EMC9: variants seen among roughly 807,000 people sequenced by gnomAD.
EMC9 encodes the protein UPF0172 protein FAM158A.
Under a neutral mutation model 25.0 loss-of-function variants are expected in EMC9, and 20 were observed. The ratio of observed to expected loss-of-function variants is 0.80; its 90% CI spans 0.56 to 1.16. The LOEUF is 1.16. Ranked by LOEUF, EMC9 falls within the 50% of genes most tolerant of loss-of-function variation. The pLI, the probability that EMC9 is intolerant of heterozygous loss-of-function variation, is 0.00. For missense variants in EMC9, 256 were observed against 268.7 expected (o/e 0.95, Z 0.33); for synonymous variants, 100 against 107.0 (o/e 0.93, Z 0.40).
At position 24,139,505 on chromosome 14, in the gene EMC9, ACTTG is replaced by A. The variant is rs771799648; in HGVS notation, c.345+36_345+39del. ...AGAGTTTCAAGGGTCCCCCCACCCT[ACTTG>A]CTTTTCACCTCCCCACCCAGAAACC... On this transcript the variant is annotated intron_variant, in intron 4 of 5. Coordinates refer to ENST00000216799, the MANE Select transcript of EMC9 (RefSeq NM_016049.4). This position sits in a 1 kb window ranked among gnomAD's most constrained non-coding sequence, Gnocchi z 4.6. 6.2e-7 allele frequency: 1 copy of A among 1,612,830 alleles called. No individual in the cohort carries two copies. The highest frequency in any genetic ancestry group is 8.5e-7 in the Non-Finnish European group (1 of 1,179,202).
chr14:24,139,798 G>C lies in EMC9; in HGVS notation c.276-184C>G. On this transcript the variant is annotated intron_variant, in intron 3 of 5. Coordinates refer to ENST00000216799, the MANE Select transcript of EMC9 (RefSeq NM_016049.4). The surrounding 1 kb of genome is among the most constrained non-coding windows in gnomAD (Gnocchi z 4.6). ...TGCTTGATGCTTGAGTGCTGTGGGA[G>C]ACAGGTGCTCAGATATTGCTGGTGA... The C allele has an allele frequency of 6.6e-7, 1 of 1,523,604 alleles. No individual in the cohort carries two copies. The highest frequency in any genetic ancestry group is 1.4e-5 in the African/African-American group (1 of 72,728). The allele number at this position is 1,523,604 out of a possible 1,614,324, so 94.4% of individuals were successfully genotyped here. A position where few individuals can be genotyped will look rare whatever the true frequency, so the allele number is the denominator to read the frequency against.
chr14:24,140,252 G>A (rs913287845), intron 3 of EMC9: 1 of 153,332 alleles, frequency 6.5e-6, no homozygotes, highest in Admixed American at 6.5e-5. Flanking sequence ...TTCAGCCCCT[G>A]GGGGACACCT....
Position 24,139,235 on chromosome 14 carries a change from G to C in EMC9, c.441-39C>G. 1 of 1,610,932 alleles carries C rather than the reference G, an allele frequency of 6.2e-7. No individual in the cohort carries two copies. Among genetic ancestry groups the C allele is most frequent in the Non-Finnish European group, 8.5e-7 (1 of 1,177,672 alleles). ...CCCCATGGAGGTCAAACAGCAAGTA[G>C]TGGGTCCAGACACAGACTTAACAGA... On this transcript the variant is annotated intron_variant, in intron 5 of 5. Coordinates refer to ENST00000216799, the MANE Select transcript of EMC9 (RefSeq NM_016049.4). The surrounding 1 kb of genome is among the most constrained non-coding windows in gnomAD (Gnocchi z 4.6).
intron 3 of EMC9, 99 bp downstream of exon 3, chr14:24,140,790 C>T (rs964862335): frequency 3.8e-6 from 5 of 1,316,516 alleles, no homozygotes; most frequent in Admixed American, 1.8e-5. Context: ...ATCTTGTGCG[C>T]CCCCGCCCCG....
chr14:24,140,146 A>AATATATATATATAT (rs57120459), intron 3 of EMC9: 11 of 154,536 alleles, frequency 7.1e-5, no homozygotes, highest in African/African-American at 2.5e-4. Flanking sequence ...GTATATGATT[A>AATATATATATATAT]ATATATATAT....
rs745827393 is a variant in EMC9 at position 24,139,350 on chromosome 14, G to T, written c.440+10C>A. The T allele has an allele frequency of 6.2e-7, 1 of 1,613,528 alleles. No individual in the cohort carries two copies. The highest frequency in any genetic ancestry group is 1.1e-5 in the South Asian group (1 of 91,030). ...CTTCTAAGAAGAGGTAGAGGGAGTG[G>T]GGTACTCACAAGTTCTTATCCTTAG... On this transcript the variant is annotated intron_variant, in intron 5 of 5. Transcript: ENST00000216799. The surrounding 1 kb of genome is among the most constrained non-coding windows in gnomAD (Gnocchi z 4.6).
intron 2 of EMC9, 42 bp from the exon 3 acceptor site, chr14:24,141,007 T>C (rs1318175844): frequency 1.2e-6 from 2 of 1,614,118 alleles, no homozygotes; most frequent in Admixed American, 1.7e-5. Context: ...ATTGTGCCGC[T>C]GGCTTTGTGG....
At chr14:24,140,183 G>GTA (rs757931742) in intron 3 of EMC9, 168 of 151,604 alleles carry the variant, frequency 1.1e-3, no homozygotes, top group Admixed American at 1.9e-3. Context: ...TTTCCTATAT[G>GTA]TATATATATA....
chr14:24,139,380 C>T lies in EMC9; in HGVS notation c.420G>A (p.Trp140Ter), dbSNP rs776091070. 15 of 1,614,076 alleles carry T rather than the reference C, an allele frequency of 9.3e-6. No homozygotes were observed. In the South Asian group the frequency reaches 1.5e-4, roughly 17 times the overall value. Residue 140 changes from tryptophan (W) to a stop codon, truncating the protein, a stop_gained, in exon 5 of 6, where the codon TGG becomes TGA. Coordinates refer to ENST00000216799, the MANE Select transcript of EMC9 (RefSeq NM_016049.4). LOFTEE classifies it high-confidence loss of function. The surrounding 1 kb of genome is among the most constrained non-coding windows in gnomAD (Gnocchi z 4.6). ...CTCACAAGTTCTTATCCTTAGGGAC[C>T]CAGCGGAGACCTTGGTTCTCCAGGA... ...VIVLENQGLR[W>*]VPKDKNLVMW... is the part of the protein sequence containing the mutation.
chr14:24,141,299 C>A lies in EMC9; in HGVS notation c.6G>T (p.Gly2=). Residue 2 remains glycine, a synonymous_variant, in exon 2 of 6, where the codon GGG becomes GGT. Transcript: ENST00000216799. Reference sequence around the variant, plus strand: ...AGGCCAGGGCCGAGATCTCCACCTCCCCCATGGCGAGCGAGGCCTGGACGG... The same window carrying A: ...AGGCCAGGGCCGAGATCTCCACCTCACCCATGGCGAGCGAGGCCTGGACGG... M[G]EVEISALAYV... is the part of the protein sequence containing the mutation. 6.2e-7 allele frequency: 1 copy of A among 1,614,062 alleles called. No individual in the cohort carries two copies. Among genetic ancestry groups the A allele is most frequent in the Middle Eastern group, 1.7e-4 (1 of 6,058 alleles).
Position 24,139,459 on chromosome 14 carries a change from G to A in EMC9, c.346-5C>T. On this transcript the variant is annotated splice_polypyrimidine_tract_variant and splice_region_variant and intron_variant, in intron 4 of 5. Transcript: ENST00000216799. The surrounding 1 kb of genome is among the most constrained non-coding windows in gnomAD (Gnocchi z 4.6). Reference sequence around the variant, plus strand: ...CACCAGTTTCTGATTATCCAACTGAGTGGACAAAGATGGGCAAGTGAGAGT... The same window carrying A: ...CACCAGTTTCTGATTATCCAACTGAATGGACAAAGATGGGCAAGTGAGAGT... The A allele has an allele frequency of 6.2e-7, 1 of 1,614,142 alleles. No homozygotes were observed. The highest frequency in any genetic ancestry group is 8.5e-7 in the Non-Finnish European group (1 of 1,180,000).
chr14:24,139,639 G>T lies in EMC9; in HGVS notation c.276-25C>A. ...GCTGTGTAGAGGGAAGATCAGAGGA[G>T]TGAGGAGCCAACTGTGGGCAAAACC... On this transcript the variant is annotated intron_variant, in intron 3 of 5. Transcript: ENST00000216799. This position sits in a 1 kb window ranked among gnomAD's most constrained non-coding sequence, Gnocchi z 4.6. 3 of 1,611,126 alleles carry T rather than the reference G, an allele frequency of 1.9e-6. No homozygotes were observed. Among genetic ancestry groups the T allele is most frequent in the Non-Finnish European group, 2.5e-6 (3 of 1,178,540 alleles).
chr14:24,139,641 G>A lies in EMC9; in HGVS notation c.276-27C>T, dbSNP rs764414313. 2 of 1,610,324 alleles carry A rather than the reference G, an allele frequency of 1.2e-6. No individual in the cohort carries two copies. Among genetic ancestry groups the A allele is most frequent in the Admixed American group, 1.7e-5 (1 of 59,330 alleles). On this transcript the variant is annotated intron_variant, in intron 3 of 5. Transcript: ENST00000216799. The surrounding 1 kb of genome is among the most constrained non-coding windows in gnomAD (Gnocchi z 4.6). ...TGTGTAGAGGGAAGATCAGAGGAGT[G>A]AGGAGCCAACTGTGGGCAAAACCCA... is the stretch of plus-strand genomic sequence containing the variant.
intron 2 of EMC9, 29 bp downstream of exon 2, chr14:24,141,078 G>A (rs993306694): frequency 4.3e-6 from 7 of 1,613,800 alleles, no homozygotes; most frequent in African/African-American, 4.0e-5. Flanking sequence ...GTGGGTTCGC[G>A]GTGGGGGATG....
chr14:24,140,179 A>G (rs972089761), intron 3 of EMC9: 1 of 152,058 alleles, frequency 6.6e-6, no homozygotes, highest in African/African-American at 2.4e-5. Context: ...GTCTTTTCCT[A>G]TATGTATATA....
chr14:24,141,058 G>A, intron 2 of EMC9, 49 bp downstream of exon 2: 1 of 1,613,598 alleles, frequency 6.2e-7, no homozygotes, highest in African/African-American at 1.3e-5. Context: ...AACTTGGGCT[G>A]GGGTGTTGGG....
chr14:24,139,291 G>A lies in EMC9; in HGVS notation c.440+69C>T. ...GGTCTAGAGAAAGACCCTTGGGGCA[G>A]GGCCAAGGACAGAGGAGACCCAGGA... On this transcript the variant is annotated intron_variant, in intron 5 of 5. Coordinates refer to ENST00000216799, the MANE Select transcript of EMC9 (RefSeq NM_016049.4). The surrounding 1 kb of genome is among the most constrained non-coding windows in gnomAD (Gnocchi z 4.6). The A allele has an allele frequency of 6.2e-7, 1 of 1,601,642 alleles. No individual in the cohort carries two copies. Among genetic ancestry groups the A allele is most frequent in the Non-Finnish European group, 8.5e-7 (1 of 1,171,704 alleles).
chr14:24,140,896 C>G lies in EMC9; in HGVS notation c.268G>C (p.Asp90His). Residue 90 changes from aspartate (D) to histidine (H), a missense_variant, in exon 3 of 6, where the codon GAT becomes CAT. Asp to His is a moderately conservative substitution (Grantham distance 81, BLOSUM62 -1). Transcript: ENST00000216799. ...TCTGGCTACGCCACTCACCTCTGATCGTTCACAGCTGCATTGGCATGGTAG... is the reference window on the plus strand; with the variant it reads ...TCTGGCTACGCCACTCACCTCTGATGGTTCACAGCTGCATTGGCATGGTAG... The part of the protein sequence containing the change: ...GYYHANAAVN[D>H]QSPGPLALKI... 1 of 1,614,076 alleles carries G rather than the reference C, an allele frequency of 6.2e-7. No individual in the cohort carries two copies. The highest frequency in any genetic ancestry group is 8.5e-7 in the Non-Finnish European group (1 of 1,179,986).
rs750215718 is a variant in EMC9, at chr14:24,138,997, C to T, written c.*13G>A. On this transcript the variant is annotated 3_prime_UTR_variant, in exon 6 of 6. Coordinates refer to ENST00000216799, the MANE Select transcript of EMC9 (RefSeq NM_016049.4). ...AAGTCTCTTTATTGGAACCGGGCCC[C>T]GCTGGCCCTGGCTCAGGCATTTCCA... The T allele has an allele frequency of 5.0e-6, 8 of 1,612,434 alleles. No individual in the cohort carries two copies. The highest frequency in any genetic ancestry group is 2.2e-5 in the East Asian group (1 of 44,890).
Sources: gnomAD v4.1 joint callset for allele counts on GRCh38, gnomAD v4.1.1 for gene constraint, Gnocchi (gnomAD v3.1) non-coding constraint, MANE v1.5 for transcripts, NCBI Gene and HGNC (gene_info 2026-07-23, HGNC 2026-07-21) for gene names.